NOP53: variants seen among roughly 807,000 people sequenced by gnomAD.
NOP53 encodes ribosome biogenesis protein NOP53.
A neutral mutation model predicts 61.0 loss-of-function variants in NOP53; 40 were observed. The ratio of observed to expected loss-of-function variants is 0.66; its 90% confidence interval spans 0.51 to 0.85. NOP53 has a LOEUF of 0.85. NOP53 is among the 40% of genes least tolerant of loss of function. The pLI is 0.00. For missense variants in NOP53, 689 were observed against 652.9 expected, an observed-to-expected ratio of 1.06 and a Z score of -0.60; for synonymous variants, 308 against 289.5, an observed-to-expected ratio of 1.06 and a Z score of -0.65.
chr19:47,753,528 AC>A (rs5828313), intron 6 of NOP53: 112,092 of 151,966 alleles, frequency 0.74, 41,797 homozygotes, highest in African/African-American at 0.84. Context: ...TAGATGCAGG[AC>A]CGCTTGTCCG....
rs1967050011 is a variant in NOP53 at position 47,745,582 on chromosome 19, T to A, written c.23T>A (p.Val8Asp). ...AAGATGGCGGCAGGAGGCAGTGGCG[T>A]TGGTGGGAAGCGCAGCTCGAAAAGC... is the stretch of plus-strand genomic sequence containing the variant. MAAGGSG[V>D]GGKRSSKSDA... is the part of the protein sequence containing the mutation. Residue 8 changes from valine to aspartate, a missense_variant, in exon 1 of 13, where the codon GTT becomes GAT. Val to Asp is a radical substitution (Grantham distance 152). Transcript: ENST00000246802. 1.9e-6 allele frequency: 3 copies of A among 1,613,654 alleles called. No individual in the cohort carries two copies. In the Admixed American group the frequency reaches 5.0e-5, roughly 27 times the overall value.
chr19:47,756,014 C>T, intron 10 of NOP53, 192 bp downstream of exon 10: 1 of 595,120 alleles, frequency 1.7e-6, no homozygotes, highest in Non-Finnish European at 3.0e-6. Context: ...AGGTTTGAGT[C>T]CGGGACCCTA....
intron 8 of NOP53, 133 bp from the exon 9 acceptor site, chr19:47,755,215 C>G: frequency 1.7e-6 from 1 of 595,200 alleles, no homozygotes; most frequent in South Asian, 2.3e-5. Flanking sequence ...CTGGAGGGGC[C>G]GCTGATGTGA....
At chr19:47,746,104 G>C in intron 1 of NOP53, 1 of 389,756 alleles carries the variant, frequency 2.6e-6, no homozygotes, top group Non-Finnish European at 4.6e-6. Context: ...AAATATGTGT[G>C]TGTGTGTATG....
chr19:47,756,531 G>C lies in NOP53; in HGVS notation c.1300G>C (p.Glu434Gln), dbSNP rs377217052. 2 of 1,613,406 alleles carry C rather than the reference G, an allele frequency of 1.2e-6. No individual in the cohort carries two copies. Among genetic ancestry groups the C allele is most frequent in the Non-Finnish European group, 1.7e-6 (2 of 1,179,626 alleles). Reference protein sequence around the residue: ...LTDSLRTLKPEGNILRDRFKS... With the variant: ...LTDSLRTLKPQGNILRDRFKS... ...GGCCTCCCTCTCTGTCCTGTAGCCC[G>C]AGGGCAACATCCTTCGAGACCGGTT... Residue 434 changes from glutamate to glutamine, a missense_variant, in exon 11 of 13, where the codon GAG becomes CAG. Transcript: ENST00000246802.
chr19:47,750,597 C>G (rs1451784536), intron 3 of NOP53, among the ~76,000 whole-genome samples: 1 of 151,920 alleles, frequency 6.6e-6, no homozygotes, highest in Admixed American at 6.6e-5. Context: ...CTGGCCTTCC[C>G]CTGAGATGGG....
Position 47,754,992 on chromosome 19 carries a change from C to A in NOP53, c.1053+101C>A. 9.0e-7 allele frequency: 1 copy of A among 1,114,082 alleles called. No individual in the cohort carries two copies. The highest frequency in any genetic ancestry group is 1.2e-6 in the Non-Finnish European group (1 of 813,144). 69.0% of individuals were successfully genotyped at this position (1,114,082 alleles called of 1,614,324 possible). On this transcript the variant is annotated intron_variant, in intron 8 of 12. Transcript: ENST00000246802. This position sits in a 1 kb window ranked among gnomAD's most constrained non-coding sequence, Gnocchi z 4.2. ...TGGGTGCTGCGGGCAGCCTGCACAC[C>A]CCAAGCCCCGCATGTGGCCTGTGGT...
chr19:47,746,143 T>C (rs1424497710), intron 1 of NOP53: 4 of 228,290 alleles, frequency 1.8e-5, no homozygotes, highest in African/African-American at 9.2e-5. Flanking sequence ...TATATGTGTA[T>C]ATGTGTGTAT....
At chr19:47,750,309 G>A (rs769495525) in intron 3 of NOP53, 23 bp downstream of exon 3, 2 of 1,429,848 alleles carry the variant, frequency 1.4e-6, no homozygotes, top group African/African-American at 1.4e-5. Flanking sequence ...GCATCCCTGG[G>A]CCCTTCTTTC....
In NOP53 at chr19:47,754,832, G is replaced by GCCA. The variant is rs2123678048; in HGVS notation, c.999_1001dup (p.Thr334dup). ...GGTCTGTCCCACGCCCGCCCGCCTGGCCACCACAGAGAAGAAGACGGAGCA... is the reference window on the plus strand; with the variant it reads ...GGTCTGTCCCACGCCCGCCCGCCTGGCCACCACCACAGAGAAGAAGACGGAGCA... On this transcript the variant is annotated inframe_insertion, in exon 8 of 13. Coordinates refer to ENST00000246802, the MANE Select transcript of NOP53 (RefSeq NM_015710.5). The surrounding 1 kb of genome is among the most constrained non-coding windows in gnomAD (Gnocchi z 4.2). 6.5e-7 allele frequency: 1 copy of GCCA among 1,541,092 alleles called. No individual in the cohort carries two copies. The highest frequency in any genetic ancestry group is 8.7e-7 in the Non-Finnish European group (1 of 1,150,948).
At chr19:47,752,632 C>T (rs1389185093) in intron 6 of NOP53, 25 bp downstream of exon 6, 6 of 1,363,082 alleles carry the variant, frequency 4.4e-6, no homozygotes, top group East Asian at 2.3e-5. Context: ...CCAGGCCTCC[C>T]TCCTCAGTGG....
Position 47,751,083 on chromosome 19 carries a change from T to G in NOP53, c.574T>G (p.Phe192Val), listed in dbSNP as rs763738360. Reference sequence around the variant, plus strand: ...GCCCCAGGACACCGTAGAGCGGCCCTTCTACGACCTCTGGGCCTCAGACAG... The same window carrying G: ...GCCCCAGGACACCGTAGAGCGGCCCGTCTACGACCTCTGGGCCTCAGACAG... ...PGPQDTVERP[F>V]YDLWASDNPL... The change falls in exon 4 of 13, where the codon TTC becomes GTC. Residue 192 changes from phenylalanine to valine, a missense_variant. Physicochemically the swap from Phe to Val is conservative, Grantham distance 50. Transcript: ENST00000246802. 4 of 1,608,682 alleles carry G rather than the reference T, an allele frequency of 2.5e-6. No homozygotes were observed. Among genetic ancestry groups the G allele is most frequent in the Non-Finnish European group, 2.5e-6 (3 of 1,178,356 alleles).
Position 47,756,981 on chromosome 19 carries a change from C to A in NOP53, c.1431-18C>A. ...GGCACCCTCTCACCCACCCTCAGCT[C>A]CTTTCCTCTGTCCCCAGGTTGTAGC... On this transcript the variant is annotated intron_variant, in intron 12 of 12. Transcript: ENST00000246802. The A allele has an allele frequency of 1.2e-6, 2 of 1,614,116 alleles. No homozygotes were observed. Among genetic ancestry groups the A allele is most frequent in the Non-Finnish European group, 1.7e-6 (2 of 1,179,954 alleles).
chr19:47,751,107 A>T lies in NOP53; in HGVS notation c.598A>T (p.Asn200Tyr). ...CTTCTACGACCTCTGGGCCTCAGAC[A>T]GTGAGTGATCCTGCTGTCACCTATG... Reference protein sequence around the residue: ...RPFYDLWASDNPLDRPLVGQD... With the variant: ...RPFYDLWASDYPLDRPLVGQD... The change falls in exon 4 of 13, where the codon AAC becomes TAC. Residue 200 changes from asparagine (N) to tyrosine (Y), a missense_variant and splice_region_variant. Transcript: ENST00000246802. 6.2e-7 allele frequency: 1 copy of T among 1,603,188 alleles called. No individual in the cohort carries two copies. Among genetic ancestry groups the T allele is most frequent in the Middle Eastern group, 1.7e-4 (1 of 6,036 alleles).
At position 47,754,550 on chromosome 19, in the gene NOP53, G is replaced by A. The variant is rs192330726; in HGVS notation, c.789G>A (p.Glu263=). ...DHQTLLSAAH[E]VELQRQKEAE... ...AGACCCTGCTCTCAGCGGCCCACGA[G>A]GTGGAGTTGCAGCGGCAGAAGGAGG... is the stretch of plus-strand genomic sequence containing the variant. Residue 263 remains glutamate (E), a synonymous_variant, in exon 7 of 13, where the codon GAG becomes GAA. Transcript: ENST00000246802. The surrounding 1 kb of genome is among the most constrained non-coding windows in gnomAD (Gnocchi z 4.2). 1.3e-3 allele frequency: 1,997 copies of A among 1,551,888 alleles called. 20 individuals are homozygous for A. In the African/African-American group the frequency reaches 0.02, roughly 16 times the overall value.
rs907006566 is a variant in NOP53, at chr19:47,754,781, G to A, written c.943G>A (p.Glu315Lys). The A allele has an allele frequency of 6.6e-7, 1 of 1,523,292 alleles. No individual in the cohort carries two copies. The highest frequency in any genetic ancestry group is 1.2e-5 in the South Asian group (1 of 81,334). The allele number at this position is 1,523,292 out of a possible 1,614,324, so 94.4% of individuals were successfully genotyped here. The change falls in exon 8 of 13, where the codon GAG becomes AAG. Residue 315 changes from glutamate to lysine, a missense_variant. Glu to Lys is a moderately conservative substitution (Grantham distance 56). Coordinates refer to ENST00000246802, the MANE Select transcript of NOP53 (RefSeq NM_015710.5). The surrounding 1 kb of genome is among the most constrained non-coding windows in gnomAD (Gnocchi z 4.2). Reference sequence around the variant, plus strand: ...TGGTGAGGGGGAGCCAGGCCAGGGCGAGGGGCCGGAGGCTGGGGATGCCGA... The same window carrying A: ...TGGTGAGGGGGAGCCAGGCCAGGGCAAGGGGCCGGAGGCTGGGGATGCCGA... ...SDGEGEPGQGEGPEAGDAEVC... is the reference protein window; with the variant it reads ...SDGEGEPGQGKGPEAGDAEVC...
chr19:47,749,704 G>A (rs1455576407), intron 2 of NOP53, among the ~76,000 whole-genome samples: 1 of 152,152 alleles, frequency 6.6e-6, no homozygotes, highest in Non-Finnish European at 1.5e-5. Context: ...CCACTTCTGT[G>A]GCCCTCCCTG....
chr19:47,749,782 T>C (rs1388602146), intron 2 of NOP53, among the ~76,000 whole-genome samples: 1 of 152,068 alleles, frequency 6.6e-6, no homozygotes, highest in African/African-American at 2.4e-5. Flanking sequence ...GATCTCACTA[T>C]GTTGCTCAGG....
At chr19:47,756,244 C>T in intron 10 of NOP53, 1 of 554,546 alleles carries the variant, frequency 1.8e-6, no homozygotes, top group Non-Finnish European at 3.2e-6. Context: ...CGGACTGTGC[C>T]TTCTCCCTCT....
Sources: allele counts gnomAD v4.1 joint callset (sites outside exome capture counted in the v4.1 genomes callset), GRCh38; gene constraint gnomAD v4.1.1; non-coding constraint Gnocchi (gnomAD v3.1); transcripts MANE v1.5; gene names NCBI Gene and HGNC (gene_info 2026-07-23, HGNC 2026-07-21).